Variants in TREML2 observed in about 807,000 individuals in gnomAD.
TREML2 encodes the protein trem-like transcript 2 protein.
In TREML2, 24 loss-of-function variants were observed where a neutral mutation model predicts 25.9. The observed-to-expected ratio is 0.93, with a 90% CI of 0.67 to 1.30. TREML2 has a LOEUF of 1.30. Ranked by LOEUF, TREML2 falls within the 50% of genes most tolerant of loss-of-function variation. The pLI, the probability that TREML2 is intolerant of heterozygous loss-of-function variation, is 0.00. For synonymous variants in TREML2, 139 were observed against 155.2 expected (o/e 0.90, Z 0.77); for missense variants, 359 against 395.6 (o/e 0.91, Z 0.78).
chr6:41,193,386 T>TGCCAAACACAGCAGGCAGCCCTCTAC (rs1766101328), intron 3 of TREML2, among the ~76,000 whole-genome samples: 1 of 152,124 alleles, frequency 6.6e-6, no homozygotes, highest in Non-Finnish European at 1.5e-5. Context: ...GAGCCCTCTA[T>TGCCAAACACAGCAGGCAGCCCTCTAC]GCCACACACA....
chr6:41,198,660 C>T (rs568911296), intron 1 of TREML2, among the ~76,000 whole-genome samples: 2 of 152,292 alleles, frequency 1.3e-5, no homozygotes, highest in South Asian at 2.1e-4. Flanking sequence ...ACACAACCCC[C>T]GCTCTCAGGG....
At chr6:41,199,023 C>T (rs540110920) in intron 1 of TREML2, among the ~76,000 whole-genome samples, 215 of 152,272 alleles carry the variant, frequency 1.4e-3, no homozygotes, top group Non-Finnish European at 2.6e-3. Flanking sequence ...CCACCACGTC[C>T]GGCTAATTTT....
intron 2 of TREML2, among the ~76,000 whole-genome samples, chr6:41,195,071 T>C (rs1322130879): frequency 6.6e-6 from 1 of 152,170 alleles, no homozygotes; most frequent in East Asian, 1.9e-4. Context: ...CCACAATTTC[T>C]TTTTCCCTCC....
At position 41,194,708 on chromosome 6, in the gene TREML2, A is replaced by T; in HGVS notation, c.502T>A (p.Phe168Ile). 1 of 1,613,928 alleles carries T rather than the reference A, an allele frequency of 6.2e-7. No homozygotes were observed. The highest frequency in any genetic ancestry group is 8.5e-7 in the Non-Finnish European group (1 of 1,179,908). The change falls in exon 3 of 5, where the codon TTC (phenylalanine) becomes ATC (isoleucine). Residue 168 changes from phenylalanine to isoleucine, a missense_variant. By Grantham distance (21) the Phe-to-Ile change is conservative. Transcript: ENST00000483722. ...GGCAAGGTGATGAGTCCTGGGGTGAACACCATCACACCAGTGGTAAAAGGG... is the reference window on the plus strand; with the variant it reads ...GGCAAGGTGATGAGTCCTGGGGTGATCACCATCACACCAGTGGTAAAAGGG... ...DAPFTTGVMVFTPGLITLPRL... is the reference protein window; with the variant it reads ...DAPFTTGVMVITPGLITLPRL...
intron 2 of TREML2, among the ~76,000 whole-genome samples, chr6:41,195,132 T>C (rs140066104): frequency 6.6e-6 from 1 of 152,336 alleles, no homozygotes; most frequent in African/African-American, 2.4e-5. Flanking sequence ...CTTTTCACTT[T>C]CCAGGCCCTC....
At chr6:41,200,096 C>T (rs536875997) in intron 1 of TREML2, among the ~76,000 whole-genome samples, 3 of 152,348 alleles carry the variant, frequency 2.0e-5, no homozygotes, top group East Asian at 1.9e-4. Context: ...CCAGGATATC[C>T]GTCCCAAGTC....
At position 41,198,304 on chromosome 6, in the gene TREML2, T is replaced by A. The variant is rs1766210198; in HGVS notation, c.181A>T (p.Lys61Ter). 7 of 1,614,236 alleles carry A rather than the reference T, an allele frequency of 4.3e-6. No homozygotes were observed. The highest frequency in any genetic ancestry group is 5.9e-6 in the Non-Finnish European group (7 of 1,180,054). ...CGGGCAAAGCCAGGCTCACACTTCT[T>A]CTTCCTGATTTTGCACCAAACCTTG... Reference protein sequence around the residue: ...EGKVWCKIRKKKCEPGFARVW... With the variant: ...EGKVWCKIRK Residue 61 changes from lysine (K) to a stop codon, truncating the protein, a stop_gained, in exon 2 of 5, where the codon AAG (lysine) becomes TAG (stop). Coordinates refer to ENST00000483722, the MANE Select transcript of TREML2 (RefSeq NM_024807.4). LOFTEE classifies it high-confidence loss of function.
At chr6:41,200,019 C>T (rs982224487) in intron 1 of TREML2, among the ~76,000 whole-genome samples, 8 of 152,190 alleles carry the variant, frequency 5.3e-5, no homozygotes, top group African/African-American at 1.2e-4. Context: ...CCTCCCAGTT[C>T]CCCCAATGGA....
At chr6:41,199,660 C>A (rs1476412327) in intron 1 of TREML2, among the ~76,000 whole-genome samples, 2 of 152,116 alleles carry the variant, frequency 1.3e-5, no homozygotes, top group Admixed American at 1.3e-4. Context: ...CCTCTGCCTG[C>A]CTTAAGCTCA....
Position 41,192,473 on chromosome 6 carries a change from T to A in TREML2, c.920A>T (p.Asp307Val), listed in dbSNP as rs1226263346. ...ATAGGGCTCTGGTCTTCCAGGTGGG[T>A]CACGTGTAGAAGGATCGCTGCACAT... ...YSMCSDPSTR[D>V]PPGRPEPYVE... The change falls in exon 5 of 5, where the codon GAC becomes GTC. Residue 307 changes from aspartate to valine, a missense_variant. Physicochemically the swap from Asp to Val is radical, Grantham distance 152. Coordinates refer to ENST00000483722, the MANE Select transcript of TREML2 (RefSeq NM_024807.4). 6.2e-7 allele frequency: 1 copy of A among 1,613,996 alleles called. No homozygotes were observed. Among genetic ancestry groups the A allele is most frequent in the Admixed American group, 1.7e-5 (1 of 60,012 alleles).
intron 2 of TREML2, among the ~76,000 whole-genome samples, chr6:41,195,579 T>C (rs1025591119): frequency 3.3e-5 from 5 of 152,178 alleles, no homozygotes; most frequent in African/African-American, 1.2e-4. Context: ...TGGCTGAGCT[T>C]GAGCCATTTT....
At chr6:41,195,814 C>T (rs1766149601) in intron 2 of TREML2, among the ~76,000 whole-genome samples, 1 of 152,200 alleles carries the variant, frequency 6.6e-6, no homozygotes, top group African/African-American at 2.4e-5. Context: ...GGAAAGCATT[C>T]CTACAACACT....
chr6:41,197,250 G>T (rs906779081), intron 2 of TREML2, among the ~76,000 whole-genome samples: 3 of 152,120 alleles, frequency 2.0e-5, no homozygotes, highest in South Asian at 2.1e-4. Flanking sequence ...TCAACAAGTG[G>T]CCACTACATT....
At position 41,198,006 on chromosome 6, in the gene TREML2, A is replaced by G. The variant is rs963382829; in HGVS notation, c.376+103T>C. On this transcript the variant is annotated intron_variant, in intron 2 of 4. Coordinates refer to ENST00000483722, the MANE Select transcript of TREML2 (RefSeq NM_024807.4). The stretch of plus-strand genomic sequence containing the variant: ...CACTCTGAAAACACTACAGTGCAAC[A>G]TGACCACTGATGGATTATTATCCTT... The G allele has an allele frequency of 3.4e-6, 4 of 1,193,304 alleles. No homozygotes were observed. In the African/African-American group the frequency reaches 4.7e-5, roughly 14 times the overall value. The allele number at this position is 1,193,304 out of a possible 1,614,324, so 73.9% of individuals were successfully genotyped here.
At chr6:41,197,702 G>C (rs1294316345) in intron 2 of TREML2, among the ~76,000 whole-genome samples, 1 of 152,140 alleles carries the variant, frequency 6.6e-6, no homozygotes, top group Non-Finnish European at 1.5e-5. Flanking sequence ...TGGATAATAA[G>C]TGTGCCTGTC....
chr6:41,201,040 G>T lies in TREML2; in HGVS notation c.-32C>A. ...ATCCAGCTGGGCAGTGTCAGGCCTGGAGATCCAAGGTGAGGGCCCACCCGA... is the reference window on the plus strand; with the variant it reads ...ATCCAGCTGGGCAGTGTCAGGCCTGTAGATCCAAGGTGAGGGCCCACCCGA... On this transcript the variant is annotated 5_prime_UTR_variant, in exon 1 of 5. Transcript: ENST00000483722. The T allele has an allele frequency of 6.2e-7, 1 of 1,611,770 alleles. No homozygotes were observed. Among genetic ancestry groups the T allele is most frequent in the Non-Finnish European group, 8.5e-7 (1 of 1,178,688 alleles).
At chr6:41,194,088 T>C (rs1310598666) in intron 3 of TREML2, among the ~76,000 whole-genome samples, 2 of 145,746 alleles carry the variant, frequency 1.4e-5, no homozygotes, top group Non-Finnish European at 3.0e-5. Context: ...TCCTTTCACC[T>C]GACCTTCCTC....
intron 3 of TREML2, among the ~76,000 whole-genome samples, chr6:41,194,215 C>T (rs1338645158): frequency 2.8e-5 from 3 of 109,008 alleles, no homozygotes; most frequent in South Asian, 7.6e-4. Context: ...TCCCCACCCC[C>T]GACCCTCCTT....
chr6:41,197,588 C>G (rs1042169449), intron 2 of TREML2, among the ~76,000 whole-genome samples: 6 of 152,296 alleles, frequency 3.9e-5, no homozygotes, highest in South Asian at 2.1e-4. Flanking sequence ...GCTCCCCCAC[C>G]ACCGAGTCGC....
Sources: allele counts gnomAD v4.1 joint callset (sites outside exome capture counted in the v4.1 genomes callset), GRCh38; gene constraint gnomAD v4.1.1; transcripts MANE v1.5; gene names NCBI Gene and HGNC (gene_info 2026-07-23, HGNC 2026-07-21).